Variants in SLC25A20 observed in about 807,000 individuals in gnomAD.
The protein encoded by SLC25A20 is mitochondrial carnitine/acylcarnitine carrier protein.
Under a neutral mutation model 39.7 loss-of-function variants are expected in SLC25A20, and 29 were observed. That is an observed-to-expected ratio of 0.73 (90% CI 0.54 to 1.00). The LOEUF (loss-of-function observed/expected upper bound fraction) is 1.00. SLC25A20 is among the 50% of genes least tolerant of loss of function. The pLI is 0.00. For missense variants in SLC25A20, 333 were observed against 379.9 expected, an observed-to-expected ratio of 0.88 and a Z score of 1.03; for synonymous variants, 103 against 142.2, an observed-to-expected ratio of 0.72 and a Z score of 1.96.
chr3:48,867,411 A>ATTTTTTTTTTT (rs58122933), intron 4 of SLC25A20, among the ~76,000 whole-genome samples: 10 of 108,390 alleles, frequency 9.2e-5, no homozygotes, highest in East Asian at 3.0e-4. Flanking sequence ...TGCCTGGGTA[A>ATTTTTTTTTTT]TTTTTTTTTT....
chr3:48,861,755 G>A (rs777242620), intron 5 of SLC25A20, among the ~76,000 whole-genome samples: 9 of 148,810 alleles, frequency 6.0e-5, no homozygotes, highest in African/African-American at 2.0e-4. Flanking sequence ...GGCCGGGTGC[G>A]GTGGCTCACA....
At chr3:48,886,627 T>C (rs1013479581) in intron 2 of SLC25A20, among the ~76,000 whole-genome samples, 3 of 152,062 alleles carry the variant, frequency 2.0e-5, no homozygotes, top group Non-Finnish European at 4.4e-5. Context: ...AAATTGAAAG[T>C]AGTTGCCTCT....
chr3:48,863,153 C>T (rs968051503), intron 4 of SLC25A20, among the ~76,000 whole-genome samples: 2 of 152,138 alleles, frequency 1.3e-5, no homozygotes, highest in Admixed American at 1.3e-4. Flanking sequence ...TATCGTACCA[C>T]ACTGCACTCC....
intron 4 of SLC25A20, among the ~76,000 whole-genome samples, chr3:48,863,451 G>T (rs369061156): frequency 9.9e-5 from 15 of 152,200 alleles, no homozygotes; most frequent in Non-Finnish European, 1.5e-4. Context: ...GCCAGAGGAG[G>T]GCCAAAGAGA....
rs1287363661 is a variant in SLC25A20, at chr3:48,894,990, C to T, written c.106-2918G>A. Among the ~76,000 whole-genome samples, 7 of 148,210 alleles carry T rather than the reference C, an allele frequency of 4.7e-5. No homozygotes were observed. In the East Asian group the frequency reaches 1.4e-3, roughly 30 times the overall value. On this transcript the variant is annotated intron_variant, in intron 1 of 8. Coordinates refer to ENST00000319017, the MANE Select transcript of SLC25A20 (RefSeq NM_000387.6). ...GTGCCACCACTCCCGGATAATTTTG[C>T]ATTTGTATATTTATTTTTATTTATT...
chr3:48,886,384 C>T (rs887595145), intron 2 of SLC25A20, among the ~76,000 whole-genome samples: 54 of 151,662 alleles, frequency 3.6e-4, no homozygotes, highest in African/African-American at 1.3e-3. Context: ...ATTAGCCAGG[C>T]GTGGTGGCAC....
intron 2 of SLC25A20, among the ~76,000 whole-genome samples, 161 bp downstream of exon 2, chr3:48,891,819 C>T (rs988696808): frequency 6.6e-6 from 1 of 152,164 alleles, no homozygotes; most frequent in Non-Finnish European, 1.5e-5. Context: ...GACTCCAAAG[C>T]AGATGACAAC....
intron 6 of SLC25A20, 135 bp from the exon 7 acceptor site, chr3:48,859,336 G>T: frequency 1.2e-6 from 1 of 859,324 alleles, no homozygotes; most frequent in Non-Finnish European, 2.0e-6. Flanking sequence ...GGCCAGTGCT[G>T]CTGGCACTCC....
At chr3:48,893,858 A>G (rs1364156999) in intron 1 of SLC25A20, among the ~76,000 whole-genome samples, 1 of 147,836 alleles carries the variant, frequency 6.8e-6, no homozygotes, top group African/African-American at 2.6e-5. Context: ...AAAAGAAAAA[A>G]AAAAAAAAAA....
intron 1 of SLC25A20, among the ~76,000 whole-genome samples, chr3:48,898,000 C>T (rs569003102): frequency 8.5e-5 from 13 of 152,324 alleles, no homozygotes; most frequent in South Asian, 4.1e-4. Context: ...TCCTGATGAA[C>T]GTCCTCCCTC....
At chr3:48,858,777 A>C (rs946106419) in intron 7 of SLC25A20, 146 bp from the exon 8 acceptor site, 2 of 931,400 alleles carry the variant, frequency 2.1e-6, no homozygotes, top group Non-Finnish European at 3.4e-6. Flanking sequence ...CTTGGGACAA[A>C]TGCACAAATG....
chr3:48,859,355 G>C (rs1158250597), intron 6 of SLC25A20, among the ~76,000 whole-genome samples, 154 bp from the exon 7 acceptor site: 7 of 152,202 alleles, frequency 4.6e-5, no homozygotes, highest in Non-Finnish European at 8.8e-5. Context: ...CCTTGGAGAA[G>C]GTTTCATGCA....
chr3:48,894,266 G>A (rs1193773636), intron 1 of SLC25A20, among the ~76,000 whole-genome samples: 2 of 140,074 alleles, frequency 1.4e-5, no homozygotes, highest in East Asian at 4.2e-4. Context: ...TAATTGGATT[G>A]TCTTTTTTTT....
intron 4 of SLC25A20, among the ~76,000 whole-genome samples, chr3:48,866,447 G>A (rs1016683941): frequency 5.3e-5 from 8 of 151,876 alleles, no homozygotes; most frequent in Admixed American, 6.6e-5. Flanking sequence ...CCAGCTACTC[G>A]GGAGGCTGAG....
chr3:48,883,724 C>T (rs1017720761), intron 3 of SLC25A20, among the ~76,000 whole-genome samples: 11 of 147,254 alleles, frequency 7.5e-5, no homozygotes, highest in South Asian at 6.5e-4. Flanking sequence ...CAAGTTCAAG[C>T]GATTCTCCTG....
chr3:48,875,344 A>AC (rs1384208493), intron 4 of SLC25A20, among the ~76,000 whole-genome samples: 3 of 151,328 alleles, frequency 2.0e-5, no homozygotes, highest in African/African-American at 4.9e-5. Flanking sequence ...CTCGTGATCC[A>AC]CCCCCTCGGC....
intron 1 of SLC25A20, among the ~76,000 whole-genome samples, chr3:48,895,068 G>GTGCGA (rs2083902041): frequency 6.6e-6 from 1 of 151,940 alleles, no homozygotes; most frequent in Admixed American, 6.6e-5. Context: ...CACAGCAATG[G>GTGCGA]TGCGATCTGG....
At chr3:48,896,954 C>T (rs368060377) in intron 1 of SLC25A20, among the ~76,000 whole-genome samples, 28 of 152,048 alleles carry the variant, frequency 1.8e-4, no homozygotes, top group East Asian at 9.6e-4. Context: ...CCTGTTCTAA[C>T]GCACCACCTT....
At chr3:48,862,514 G>A in intron 5 of SLC25A20, 28 bp downstream of exon 5, 1 of 1,461,596 alleles carries the variant, frequency 6.8e-7, no homozygotes, top group South Asian at 1.1e-5. Context: ...CTCCCCAGGT[G>A]ACCTCAAGTG....
Sources: allele counts gnomAD v4.1 joint callset (sites outside exome capture counted in the v4.1 genomes callset), GRCh38; gene constraint gnomAD v4.1.1; transcripts MANE v1.5; gene names NCBI Gene and HGNC (gene_info 2026-07-23, HGNC 2026-07-21).